Variants in GTF2F2 observed in about 807,000 individuals in gnomAD.
GTF2F2 encodes ATP-dependent helicase GTF2F2.
A neutral mutation model predicts 42.2 loss-of-function variants in GTF2F2; 23 were observed. The observed-to-expected ratio is 0.55, with a 90% CI of 0.39 to 0.77. The LOEUF is 0.77. GTF2F2 is among the 30% of genes least tolerant of loss of function. The pLI, the probability that GTF2F2 is intolerant of heterozygous loss-of-function variation, is 0.00. For missense variants in GTF2F2, 261 were observed against 287.2 expected, an observed-to-expected ratio of 0.91 and a Z score of 0.66; for synonymous variants, 105 against 100.8, an observed-to-expected ratio of 1.04 and a Z score of -0.25.
At chr13:45,221,423 A>G (rs1009321496) in intron 5 of GTF2F2, among the ~76,000 whole-genome samples, 2 of 152,170 alleles carry the variant, frequency 1.3e-5, no homozygotes, top group Admixed American at 6.5e-5. Context: ...TTGTTCATAC[A>G]TTATTAAAAA....
In GTF2F2 at chr13:45,267,214, C is replaced by T; in HGVS notation, c.487-19C>T. 1 of 1,597,490 alleles carries T rather than the reference C, an allele frequency of 6.3e-7. No individual in the cohort carries two copies. The highest frequency in any genetic ancestry group is 8.5e-7 in the Non-Finnish European group (1 of 1,171,108). On this transcript the variant is annotated intron_variant, in intron 6 of 7. Coordinates refer to ENST00000340473, the MANE Select transcript of GTF2F2 (RefSeq NM_004128.3). ...CATGTTGAATTGATGCTTTTATTTCCTTTGCTGTTTGCATATAGATCGAAT... is the reference window on the plus strand; with the variant it reads ...CATGTTGAATTGATGCTTTTATTTCTTTTGCTGTTTGCATATAGATCGAAT...
chr13:45,244,361 A>G (rs1875478449), intron 5 of GTF2F2, among the ~76,000 whole-genome samples: 1 of 152,222 alleles, frequency 6.6e-6, no homozygotes. Flanking sequence ...GCTTACTATG[A>G]GGAAAAAATG....
rs1162454768 is a variant in GTF2F2, at chr13:45,191,220, AAAAAATATATATATATATATATATAT to A, written c.305-16202_305-16177del. Among the ~76,000 whole-genome samples, 8 of 75,210 alleles carry A rather than the reference AAAAAATATATATATATATATATATAT, an allele frequency of 1.1e-4. No individual in the cohort carries two copies. In the East Asian group the frequency reaches 2.6e-3, roughly 24 times the overall value. 49.3% of individuals were successfully genotyped at this position (75,210 alleles called of 152,430 possible). ...CCCCGTCTCTACTAAAAATACAAAA[AAAAAATATATATATATATATATATAT>A]ATATATATAGCCATAATCTCACATT... is the stretch of plus-strand genomic sequence containing the variant. On this transcript the variant is annotated intron_variant, in intron 4 of 7. Coordinates refer to ENST00000340473, the MANE Select transcript of GTF2F2 (RefSeq NM_004128.3).
At chr13:45,229,888 T>C (rs1874583596) in intron 5 of GTF2F2, among the ~76,000 whole-genome samples, 1 of 152,104 alleles carries the variant, frequency 6.6e-6, no homozygotes, top group South Asian at 2.1e-4. Context: ...AAAAGTTTAA[T>C]AATGGCAACC....
chr13:45,158,984 G>A (rs994259187), intron 4 of GTF2F2, among the ~76,000 whole-genome samples: 13 of 152,150 alleles, frequency 8.5e-5, no homozygotes, highest in Admixed American at 5.2e-4. Context: ...GACACTTGAG[G>A]TTCAGAATCG....
chr13:45,137,959 C>T (rs920007866), intron 2 of GTF2F2, among the ~76,000 whole-genome samples: 3 of 152,158 alleles, frequency 2.0e-5, no homozygotes, highest in African/African-American at 7.2e-5. Context: ...GCTGCTGAGG[C>T]GAGCACATGT....
chr13:45,259,042 C>G (rs1420498607), intron 6 of GTF2F2, among the ~76,000 whole-genome samples: 1 of 152,082 alleles, frequency 6.6e-6, no homozygotes, highest in Non-Finnish European at 1.5e-5. Context: ...ATAAGGAATT[C>G]CTTTTCTTCT....
intron 4 of GTF2F2, among the ~76,000 whole-genome samples, chr13:45,178,284 G>T (rs1871980921): frequency 6.6e-6 from 1 of 151,632 alleles, no homozygotes; most frequent in Non-Finnish European, 1.5e-5. Flanking sequence ...CTCACTAATG[G>T]TTTCTTCACT....
chr13:45,282,478 T>C (rs1877305699), intron 7 of GTF2F2, among the ~76,000 whole-genome samples: 1 of 152,136 alleles, frequency 6.6e-6, no homozygotes, highest in African/African-American at 2.4e-5. Flanking sequence ...CCTGATAGTT[T>C]TAGGGGATGT....
chr13:45,239,158 A>C (rs1875153792), intron 5 of GTF2F2, among the ~76,000 whole-genome samples: 1 of 152,132 alleles, frequency 6.6e-6, no homozygotes, highest in African/African-American at 2.4e-5. Context: ...GCTTGCTTGC[A>C]ACCAGAGTGC....
intron 4 of GTF2F2, among the ~76,000 whole-genome samples, chr13:45,200,042 C>T (rs1476403457): frequency 1.3e-5 from 2 of 151,878 alleles, no homozygotes; most frequent in African/African-American, 4.8e-5. Flanking sequence ...ATTTCTATAA[C>T]TGAGGTACAT....
At chr13:45,216,745 CTGACCTCAAG>C (rs1359747042) in intron 5 of GTF2F2, among the ~76,000 whole-genome samples, 1 of 151,950 alleles carries the variant, frequency 6.6e-6, no homozygotes, top group Non-Finnish European at 1.5e-5. Flanking sequence ...TCTCGAACTC[CTGACCTCAAG>C]TGATCCACCC....
At chr13:45,207,986 A>G (rs573123936) in intron 5 of GTF2F2, among the ~76,000 whole-genome samples, 23 of 152,208 alleles carry the variant, frequency 1.5e-4, no homozygotes, top group African/African-American at 5.3e-4. Flanking sequence ...GTGATATCCT[A>G]TCTCTACAAA....
At chr13:45,131,248 C>G (rs1375676362) in intron 1 of GTF2F2, among the ~76,000 whole-genome samples, 1 of 150,998 alleles carries the variant, frequency 6.6e-6, no homozygotes, top group Non-Finnish European at 1.5e-5. Flanking sequence ...GAGGGGGGAT[C>G]CAAGGACTGA....
At chr13:45,183,850 CTTTTTTCTTT>C (rs747807059) in intron 4 of GTF2F2, among the ~76,000 whole-genome samples, 6 of 151,894 alleles carry the variant, frequency 4.0e-5, no homozygotes, top group African/African-American at 7.3e-5. Context: ...TTTACCACTT[CTTTTTTCTTT>C]TTTTTTCTTT....
intron 4 of GTF2F2, among the ~76,000 whole-genome samples, chr13:45,201,677 C>G (rs1873192442): frequency 6.6e-6 from 1 of 152,114 alleles, no homozygotes; most frequent in Admixed American, 6.5e-5. Context: ...TTACCATCAT[C>G]AAAGATGTGT....
chr13:45,212,471 C>CTTTTCTTTTCTTTTCT (rs374232843), intron 5 of GTF2F2, among the ~76,000 whole-genome samples: 43 of 75,116 alleles, frequency 5.7e-4, no homozygotes, highest in African/African-American at 1.3e-3. Flanking sequence ...TTCTTTCTTT[C>CTTTTCTTTTCTTTTCT]TTTCTTTCTT....
chr13:45,278,735 C>T (rs971954935), intron 7 of GTF2F2, among the ~76,000 whole-genome samples: 21 of 151,502 alleles, frequency 1.4e-4, no homozygotes, highest in Non-Finnish European at 2.9e-4. Context: ...TAGGTGCCCC[C>T]TTCTCAGTGG....
chr13:45,166,329 T>C (rs1871296599), intron 4 of GTF2F2, among the ~76,000 whole-genome samples: 1 of 152,224 alleles, frequency 6.6e-6, no homozygotes, highest in South Asian at 2.1e-4. Context: ...GAAGTCACCA[T>C]GGATTGCAGT....
Sources: allele counts gnomAD v4.1 joint callset (sites outside exome capture counted in the v4.1 genomes callset), GRCh38; gene constraint gnomAD v4.1.1; transcripts MANE v1.5; gene names NCBI Gene and HGNC (gene_info 2026-07-23, HGNC 2026-07-21).